The following PHACTR1 variants were observed in gnomAD, a reference collection of about 807,000 sequenced individuals.
PHACTR1 encodes the protein RPEL repeat containing 1.
In PHACTR1, 16 loss-of-function variants were observed where a neutral mutation model predicts 69.2. That is an observed-to-expected ratio of 0.23 (90% confidence interval 0.16 to 0.35). The LOEUF is 0.35. PHACTR1 is among the 10% of genes least tolerant of loss of function. The probability of loss-of-function intolerance (pLI) is 1.00; values close to 1 mark genes in which losing one functional copy is unlikely to be tolerated. For synonymous variants in PHACTR1, 312 were observed against 284.5 expected, an observed-to-expected ratio of 1.10 and a Z score of -0.97; for missense variants, 510 against 734.7, an observed-to-expected ratio of 0.69 and a Z score of 3.54.
intron 4 of PHACTR1, among the ~76,000 whole-genome samples, chr6:12,819,709 C>T (rs1286308531): frequency 6.6e-6 from 1 of 151,976 alleles, no homozygotes; most frequent in African/African-American, 2.4e-5. Flanking sequence ...TTATTTTTAG[C>T]CTCAAAAAGG....
intron 13 of PHACTR1, among the ~76,000 whole-genome samples, 190 bp from the exon 14 acceptor site, chr6:13,285,956 T>C (rs1050874378): frequency 6.6e-6 from 1 of 152,118 alleles, no homozygotes; most frequent in African/African-American, 2.4e-5. Flanking sequence ...CAACTTAGAT[T>C]TAGGGAAGGA....
At chr6:13,091,500 G>A (rs1049534783) in intron 5 of PHACTR1, among the ~76,000 whole-genome samples, 9 of 152,096 alleles carry the variant, frequency 5.9e-5, no homozygotes, top group African/African-American at 2.2e-4. Context: ...TTGGCACCAG[G>A]GACCAGTTGT....
chr6:12,897,485 C>T (rs186069645), intron 4 of PHACTR1, among the ~76,000 whole-genome samples: 1 of 152,038 alleles, frequency 6.6e-6, no homozygotes, highest in African/African-American at 2.4e-5. Context: ...AAAGCCTCCA[C>T]CAATCCTGCA....
intron 5 of PHACTR1, among the ~76,000 whole-genome samples, chr6:13,067,568 C>G (rs192089948): frequency 6.6e-6 from 1 of 152,254 alleles, no homozygotes. Flanking sequence ...GCATACTCGT[C>G]TTTGTATGAA....
intron 4 of PHACTR1, among the ~76,000 whole-genome samples, chr6:12,897,968 G>T (rs1784837571): frequency 1.3e-5 from 2 of 151,994 alleles, no homozygotes; most frequent in South Asian, 4.2e-4. Flanking sequence ...TGTGGTATTT[G>T]GTTTTCTGTT....
At chr6:13,236,025 T>G (rs1040013157) in intron 10 of PHACTR1, among the ~76,000 whole-genome samples, 2 of 152,042 alleles carry the variant, frequency 1.3e-5, no homozygotes, top group African/African-American at 4.8e-5. Flanking sequence ...CCTGACATAC[T>G]CCTTCCCCTA....
intron 4 of PHACTR1, among the ~76,000 whole-genome samples, chr6:12,834,751 A>G (rs1473090324): frequency 6.6e-6 from 1 of 152,160 alleles, no homozygotes; most frequent in African/African-American, 2.4e-5. Flanking sequence ...TGTACGTCCA[A>G]ATAAATATTT....
At chr6:13,053,607 A>G in intron 5 of PHACTR1, 78 bp downstream of exon 5, 2 of 1,490,888 alleles carry the variant, frequency 1.3e-6, no homozygotes, top group East Asian at 2.4e-5. Context: ...ATTTAATTGC[A>G]ATAGGCTGTT....
intron 7 of PHACTR1, among the ~76,000 whole-genome samples, chr6:13,189,025 C>G (rs144393432): frequency 5.3e-5 from 8 of 152,372 alleles, no homozygotes; most frequent in Admixed American, 6.5e-5. Flanking sequence ...CTGTGGCATT[C>G]TGGCTCCAGA....
intron 4 of PHACTR1, among the ~76,000 whole-genome samples, chr6:12,836,428 A>T (rs1778171523): frequency 6.6e-6 from 1 of 152,190 alleles, no homozygotes; most frequent in Non-Finnish European, 1.5e-5. Flanking sequence ...TGTTATCAGG[A>T]TTATTCCCTT....
intron 12 of PHACTR1, chr6:13,280,998 G>C (rs1302558341): frequency 1.6e-6 from 2 of 1,289,612 alleles, no homozygotes; most frequent in Non-Finnish European, 2.0e-6. Flanking sequence ...GACTCTGAGA[G>C]GCAGCAGCCA....
intron 4 of PHACTR1, among the ~76,000 whole-genome samples, chr6:12,851,891 G>A (rs1465095637): frequency 1.3e-5 from 2 of 152,188 alleles, no homozygotes; most frequent in South Asian, 4.2e-4. Flanking sequence ...CTGGAGTGCA[G>A]TGGTGTGATT....
chr6:13,202,729 G>A (rs1278430775), intron 7 of PHACTR1, among the ~76,000 whole-genome samples: 9 of 152,186 alleles, frequency 5.9e-5, no homozygotes, highest in East Asian at 1.9e-4. Context: ...CACCTGCCTC[G>A]GCCTCGAAAA....
intron 10 of PHACTR1, among the ~76,000 whole-genome samples, chr6:13,257,827 T>C (rs1044814008): frequency 3.3e-5 from 5 of 152,108 alleles, no homozygotes; most frequent in African/African-American, 9.7e-5. Flanking sequence ...GCTGTTGTTC[T>C]CAAACTTTAG....
At chr6:13,241,108 G>A (rs1772775317) in intron 10 of PHACTR1, among the ~76,000 whole-genome samples, 1 of 152,208 alleles carries the variant, frequency 6.6e-6, no homozygotes, top group East Asian at 1.9e-4. Context: ...TGGTTTGGTA[G>A]GTATCTTGGT....
chr6:12,763,348 C>G (rs1338158775), intron 4 of PHACTR1, among the ~76,000 whole-genome samples: 1 of 152,158 alleles, frequency 6.6e-6, no homozygotes, highest in Non-Finnish European at 1.5e-5. Context: ...AAAGTAAGCT[C>G]AAATCAGCCT....
intron 4 of PHACTR1, among the ~76,000 whole-genome samples, chr6:12,881,894 C>G (rs986859562): frequency 6.6e-6 from 1 of 152,264 alleles, no homozygotes; most frequent in Non-Finnish European, 1.5e-5. Context: ...CTCCACGATG[C>G]AGGAGGCAGG....
intron 5 of PHACTR1, among the ~76,000 whole-genome samples, chr6:13,114,438 C>G (rs1817513325): frequency 6.6e-6 from 1 of 152,116 alleles, no homozygotes; most frequent in Admixed American, 6.5e-5. Flanking sequence ...CGAGTCAACC[C>G]TCCTTTCCCC....
At chr6:12,819,193 A>AT (rs1257105041) in intron 4 of PHACTR1, among the ~76,000 whole-genome samples, 3 of 152,072 alleles carry the variant, frequency 2.0e-5, no homozygotes, top group Non-Finnish European at 2.9e-5. Flanking sequence ...AATTTTGCGG[A>AT]TTTTTGTAGG....
Sources: allele counts gnomAD v4.1 joint callset (sites outside exome capture counted in the v4.1 genomes callset), GRCh38; gene constraint gnomAD v4.1.1; transcripts MANE v1.5; gene names NCBI Gene and HGNC (gene_info 2026-07-23, HGNC 2026-07-21).